FAAH2: variants seen among roughly 807,000 people sequenced by gnomAD.
FAAH2 encodes fatty acid amide hydrolase 2.
A neutral mutation model predicts 36.9 loss-of-function variants in FAAH2; 60 were observed. The observed-to-expected ratio is 1.63, with a 90% CI of 1.32 to 2.02. FAAH2 has a LOEUF of 2.02. Among genes scored for constraint, FAAH2 ranks in the 30% most tolerant of loss-of-function variants. The probability of loss-of-function intolerance (pLI) is 0.00; values close to 1 mark genes in which losing one functional copy is unlikely to be tolerated. For missense variants in FAAH2, 689 were observed against 397.5 expected, an observed-to-expected ratio of 1.73 and a Z score of -6.23; for synonymous variants, 214 against 143.8, an observed-to-expected ratio of 1.49 and a Z score of -3.49.
At chrX:57,418,215 G>A (rs780923614) in intron 7 of FAAH2, among the ~76,000 whole-genome samples, 1 of 111,740 alleles carries the variant, frequency 8.9e-6, no homozygotes, top group Non-Finnish European at 1.9e-5. Flanking sequence ...CCTGGCTTCA[G>A]CCCTTTTTCC....
the FAAH2 span, among the ~76,000 whole-genome samples, chrX:57,275,694 C>A: frequency 9.0e-6 from 1 of 111,098 alleles, no homozygotes; most frequent in South Asian, 3.8e-4. Context: ...CGTGCAGGGA[C>A]ACAGATAGGC....
chrX:57,192,694 T>G, the FAAH2 span, among the ~76,000 whole-genome samples: 1 of 112,151 alleles, frequency 8.9e-6, no homozygotes, highest in Non-Finnish European at 1.9e-5. Flanking sequence ...AAGGACTGGC[T>G]GAAGCCATGG....
chrX:57,266,110 C>T, the FAAH2 span, among the ~76,000 whole-genome samples: 1 of 111,786 alleles, frequency 8.9e-6, no homozygotes, highest in Admixed American at 9.4e-5. Context: ...GAAAACATGG[C>T]CAGACTACTT....
chrX:57,182,050 C>G, the FAAH2 span, among the ~76,000 whole-genome samples: 1 of 111,846 alleles, frequency 8.9e-6, no homozygotes, highest in Admixed American at 9.5e-5. Flanking sequence ...AACCTGGAAC[C>G]CTTCCTTACA....
intron 9 of FAAH2, among the ~76,000 whole-genome samples, chrX:57,447,476 A>T (rs1034631669): frequency 1.0e-5 from 1 of 98,321 alleles, no homozygotes; most frequent in African/African-American, 4.1e-5. Flanking sequence ...CTGCCCTAGC[A>T]GAGGTTTTCT....
the FAAH2 span, among the ~76,000 whole-genome samples, chrX:57,168,385 TAC>T: frequency 0.035 from 3,647 of 103,904 alleles, 91 homozygotes; most frequent in Admixed American, 0.096. Flanking sequence ...ATATGTGTGT[TAC>T]ACACACACAC....
At chrX:57,216,520 G>T in the FAAH2 span, among the ~76,000 whole-genome samples, 1 of 46,126 alleles carries the variant, frequency 2.2e-5, no homozygotes, top group Non-Finnish European at 3.5e-5. Flanking sequence ...ATATATATAC[G>T]TATATGTATA....
At chrX:57,373,812 G>A (rs1448014555) in intron 5 of FAAH2, among the ~76,000 whole-genome samples, 2 of 110,911 alleles carry the variant, frequency 1.8e-5, no homozygotes, top group Non-Finnish European at 3.8e-5. Context: ...TGTCTAAAAG[G>A]GTCTTTCGAT....
the FAAH2 span, among the ~76,000 whole-genome samples, chrX:57,176,336 T>C: frequency 2.7e-5 from 3 of 111,020 alleles, no homozygotes; most frequent in Non-Finnish European, 3.8e-5. Flanking sequence ...CTTTGAGTTC[T>C]GAAATTCCTT....
the FAAH2 span, among the ~76,000 whole-genome samples, chrX:57,158,198 A>C: frequency 1.8e-5 from 2 of 111,986 alleles, no homozygotes; most frequent in Non-Finnish European, 3.8e-5. Flanking sequence ...TTATGGCTGC[A>C]TAGTATTCCA....
intron 7 of FAAH2, among the ~76,000 whole-genome samples, chrX:57,412,901 T>A (rs2055738749): frequency 8.9e-6 from 1 of 112,367 alleles, no homozygotes; most frequent in South Asian, 3.7e-4. Context: ...TCCTGACTTG[T>A]TAATGATCGC....
At chrX:57,400,061 C>G (rs757075668) in intron 7 of FAAH2, among the ~76,000 whole-genome samples, 1 of 112,267 alleles carries the variant, frequency 8.9e-6, no homozygotes, top group Non-Finnish European at 1.9e-5. Context: ...TACTTGTTGA[C>G]AGTTATGTTC....
At chrX:57,192,134 A>AT in the FAAH2 span, among the ~76,000 whole-genome samples, 6 of 111,025 alleles carry the variant, frequency 5.4e-5, no homozygotes, top group Admixed American at 9.6e-5. Flanking sequence ...GTTCTTTTCA[A>AT]TTTTTTTTAA....
At chrX:57,167,703 C>A in the FAAH2 span, among the ~76,000 whole-genome samples, 1 of 111,361 alleles carries the variant, frequency 9.0e-6, no homozygotes, top group Non-Finnish European at 1.9e-5. Context: ...CATTTCAATT[C>A]TTGGGATACT....
chrX:57,443,693 A>AT (rs1305811819), intron 8 of FAAH2, among the ~76,000 whole-genome samples: 1 of 111,508 alleles, frequency 9.0e-6, no homozygotes, highest in Non-Finnish European at 1.9e-5. Context: ...AGGTGCTCTG[A>AT]TTTTTAGAAT....
At chrX:57,205,810 C>T in the FAAH2 span, among the ~76,000 whole-genome samples, 2 of 112,147 alleles carry the variant, frequency 1.8e-5, no homozygotes, top group African/African-American at 6.5e-5. Context: ...ATGAAGTCAG[C>T]TAAATGGGTT....
the FAAH2 span, among the ~76,000 whole-genome samples, chrX:57,189,608 T>C: frequency 9.0e-6 from 1 of 111,288 alleles, no homozygotes; most frequent in African/African-American, 3.3e-5. Flanking sequence ...TGGTATTGCT[T>C]TCTGTTTGTT....
chrX:57,290,379 G>A lies in FAAH2; in HGVS notation c.193-2119G>A, dbSNP rs1021823361. The A allele has an allele frequency of 9.7e-5, 51 of 524,713 alleles. No homozygotes were observed. The African/African-American group carries it at 1.2e-3, about 12-fold the overall frequency. 43.2% of individuals were successfully genotyped at this position (524,713 alleles called of 1,213,427 possible). A position where few individuals can be genotyped will look rare whatever the true frequency, so the allele number is the denominator to read the frequency against. Reference sequence around the variant, plus strand: ...ACTAGACTATTGAGTTATGGTGGCTGAAATCTCTGTCTGTGCATGCATTTA... The same window carrying A: ...ACTAGACTATTGAGTTATGGTGGCTAAAATCTCTGTCTGTGCATGCATTTA... On this transcript the variant is annotated intron_variant, in intron 1 of 10. Coordinates refer to ENST00000374900, the MANE Select transcript of FAAH2 (RefSeq NM_174912.4).
At chrX:57,459,261 C>T (rs1183353853) in intron 10 of FAAH2, among the ~76,000 whole-genome samples, 1 of 112,008 alleles carries the variant, frequency 8.9e-6, no homozygotes, top group Non-Finnish European at 1.9e-5. Flanking sequence ...GCAGCTATGG[C>T]CAGACTGCCT....
Sources: allele counts gnomAD v4.1 joint callset (sites outside exome capture counted in the v4.1 genomes callset), GRCh38; gene constraint gnomAD v4.1.1; transcripts MANE v1.5; gene names NCBI Gene and HGNC (gene_info 2026-07-23, HGNC 2026-07-21).